Variants in FHOD3 observed in about 807,000 individuals in gnomAD.
FHOD3 encodes the protein FH1/FH2 domain-containing protein 3.
FHOD3 carries 90 observed loss-of-function variants against 173.0 expected under a neutral mutation model. That is an observed-to-expected ratio of 0.52 (90% CI 0.44 to 0.62). FHOD3 has a LOEUF of 0.62. Among genes scored for constraint, FHOD3 ranks in the 20% least tolerant of loss-of-function variants. The pLI, the probability that FHOD3 is intolerant of heterozygous loss-of-function variation, is 0.00. For synonymous variants in FHOD3, 828 were observed against 823.0 expected, an observed-to-expected ratio of 1.01 and a Z score of -0.10; for missense variants, 1,945 against 2,034.7, an observed-to-expected ratio of 0.96 and a Z score of 0.85.
intron 10 of FHOD3, among the ~76,000 whole-genome samples, chr18:36,632,015 C>T (rs903753102): frequency 2.6e-5 from 4 of 151,526 alleles, no homozygotes; most frequent in Non-Finnish European, 5.9e-5. Context: ...CAGTTTTTTT[C>T]TCATACCAAA....
intron 5 of FHOD3, among the ~76,000 whole-genome samples, chr18:36,562,595 T>C (rs934517173): frequency 7.9e-5 from 12 of 152,174 alleles, no homozygotes; most frequent in Non-Finnish European, 1.3e-4. Flanking sequence ...TGCCTCCTAC[T>C]TCGTACCTAT....
intron 3 of FHOD3, among the ~76,000 whole-genome samples, chr18:36,429,902 A>G (rs1025540312): frequency 2.6e-5 from 4 of 152,000 alleles, no homozygotes; most frequent in African/African-American, 9.7e-5. Context: ...CTGTGGGTGG[A>G]CTTCTGGGGC....
chr18:36,603,165 CT>C (rs2031623856), intron 8 of FHOD3, among the ~76,000 whole-genome samples: 1 of 152,100 alleles, frequency 6.6e-6, no homozygotes, highest in Admixed American at 6.6e-5. Flanking sequence ...GAATAAGTTT[CT>C]GTTATTTTAA....
intron 9 of FHOD3, among the ~76,000 whole-genome samples, chr18:36,619,486 C>T (rs1031922970): frequency 6.6e-6 from 1 of 152,242 alleles, no homozygotes; most frequent in African/African-American, 2.4e-5. Context: ...CCTGTGTCCC[C>T]TTATTTAGGA....
In FHOD3 at chr18:36,467,752, C is replaced by A. The variant is rs569202541; in HGVS notation, c.338-34180C>A. On this transcript the variant is annotated intron_variant, in intron 3 of 28. Transcript: ENST00000590592. ...CACGGCATCCTAGCAGTGCTTAGGG[C>A]TGGCCTTTGCACTGTGGGGTGGGCG... 2.0e-5 allele frequency among the ~76,000 whole-genome samples: 3 copies of A among 152,340 alleles called. No individual in the cohort carries two copies. The East Asian group carries it at 5.8e-4, about 29-fold the overall frequency.
chr18:36,709,413 A>G, intron 18 of FHOD3, 22 bp downstream of exon 18: 1 of 1,599,904 alleles, frequency 6.3e-7, no homozygotes, highest in East Asian at 2.2e-5. Context: ...CCCTTGTTTC[A>G]GTCGGCATGT....
chr18:36,299,282 C>A (rs564580727), intron 1 of FHOD3, among the ~76,000 whole-genome samples: 1 of 152,302 alleles, frequency 6.6e-6, no homozygotes, highest in South Asian at 2.1e-4. Context: ...GTGGAAACCT[C>A]TCTGGCCACA....
intron 10 of FHOD3, among the ~76,000 whole-genome samples, chr18:36,637,878 G>C (rs1255956057): frequency 2.6e-5 from 4 of 152,180 alleles, no homozygotes; most frequent in African/African-American, 7.2e-5. Flanking sequence ...GTCTACTTTT[G>C]GATGATTTAT....
At chr18:36,617,073 A>G (rs998344293) in intron 9 of FHOD3, among the ~76,000 whole-genome samples, 8 of 152,256 alleles carry the variant, frequency 5.3e-5, no homozygotes, top group African/African-American at 1.9e-4. Context: ...TCACAAATCC[A>G]TAATTCTGAG....
chr18:36,692,602 C>T (rs781730579), intron 16 of FHOD3, among the ~76,000 whole-genome samples: 1 of 152,102 alleles, frequency 6.6e-6, no homozygotes, highest in Non-Finnish European at 1.5e-5. Flanking sequence ...CTCTATGTGA[C>T]GTCAGGTTCA....
chr18:36,638,360 A>G (rs2035038621), intron 10 of FHOD3, among the ~76,000 whole-genome samples: 1 of 152,168 alleles, frequency 6.6e-6, no homozygotes, highest in Non-Finnish European at 1.5e-5. Context: ...GTGGCCAGAA[A>G]CAGGTGGCAT....
chr18:36,354,599 C>T (rs1457758432), intron 1 of FHOD3, among the ~76,000 whole-genome samples: 1 of 152,068 alleles, frequency 6.6e-6, no homozygotes, highest in African/African-American at 2.4e-5. Flanking sequence ...GTCAGGAGTT[C>T]GAGACCAGGC....
At chr18:36,368,003 C>G (rs1486672344) in intron 2 of FHOD3, among the ~76,000 whole-genome samples, 2 of 152,142 alleles carry the variant, frequency 1.3e-5, no homozygotes, top group African/African-American at 4.8e-5. Context: ...TGAGCCTCCC[C>G]AGCCATGTGG....
intron 3 of FHOD3, among the ~76,000 whole-genome samples, chr18:36,398,576 C>G (rs12606914): frequency 0.14 from 21,549 of 152,068 alleles, 2,131 homozygotes; most frequent in East Asian, 0.48. Flanking sequence ...TGTGTAGTCT[C>G]AATGATTTGT....
intron 3 of FHOD3, among the ~76,000 whole-genome samples, chr18:36,384,453 C>A (rs1468905327): frequency 3.3e-5 from 5 of 151,890 alleles, no homozygotes; most frequent in African/African-American, 9.7e-5. Context: ...TGCCTATAAT[C>A]CCAGCTACTT....
intron 23 of FHOD3, 26 bp from the exon 24 acceptor site, chr18:36,746,919 T>G (rs745767311): frequency 1.9e-6 from 3 of 1,572,272 alleles, no homozygotes; most frequent in South Asian, 2.4e-5. Flanking sequence ...TTTCAGTGTT[T>G]GCAGTGTTCT....
chr18:36,449,596 A>G (rs2051703774), intron 3 of FHOD3, among the ~76,000 whole-genome samples: 1 of 152,222 alleles, frequency 6.6e-6, no homozygotes, highest in African/African-American at 2.4e-5. Context: ...GTTTTACTCT[A>G]GGAGATAACT....
At chr18:36,536,573 G>C (rs1362695245) in intron 5 of FHOD3, among the ~76,000 whole-genome samples, 1 of 152,222 alleles carries the variant, frequency 6.6e-6, no homozygotes, top group Admixed American at 6.5e-5. Flanking sequence ...CTGCACATGT[G>C]CACATGCCCT....
chr18:36,559,030 A>T (rs1599653190), intron 5 of FHOD3, among the ~76,000 whole-genome samples: 4 of 152,280 alleles, frequency 2.6e-5, no homozygotes, highest in Admixed American at 2.6e-4. Context: ...GGACAGGAAG[A>T]ATCACCTGGC....
Sources: allele counts gnomAD v4.1 joint callset (sites outside exome capture counted in the v4.1 genomes callset), GRCh38; gene constraint gnomAD v4.1.1; transcripts MANE v1.5; gene names NCBI Gene and HGNC (gene_info 2026-07-23, HGNC 2026-07-21).